Variants in INTS9 observed in about 807,000 individuals in gnomAD.
INTS9 encodes the protein integrator complex subunit 9, also known as protein related to CPSF subunits of 74 kDa.
INTS9 carries 55 observed loss-of-function variants against 79.7 expected under a neutral mutation model. The ratio of observed to expected loss-of-function variants is 0.69; its 90% CI spans 0.56 to 0.86. The LOEUF is 0.86. Ranked by LOEUF, INTS9 falls within the 40% of genes least tolerant of loss-of-function variation. The pLI is 0.00. For missense variants in INTS9, 721 were observed against 831.5 expected, an observed-to-expected ratio of 0.87 and a Z score of 1.64; for synonymous variants, 319 against 325.2, an observed-to-expected ratio of 0.98 and a Z score of 0.20.
intron 8 of INTS9, chr8:28,799,424 C>T (rs1190011676): frequency 1.3e-5 from 2 of 152,228 alleles, no homozygotes; most frequent in African/African-American, 2.4e-5. Context: ...TGCTACAGTA[C>T]GAATGTCGAA....
At position 28,771,018 on chromosome 8, in the gene INTS9, G is replaced by A. The variant is rs765527295; in HGVS notation, c.1626C>T (p.Ala542=). 1.2e-5 allele frequency: 20 copies of A among 1,613,482 alleles called. No homozygotes were observed. Among genetic ancestry groups the A allele is most frequent in the Non-Finnish European group, 1.4e-5 (17 of 1,179,872 alleles). The change falls in exon 15 of 17, where the codon GCC becomes GCT. Residue 542 remains alanine (A), a synonymous_variant. Transcript: ENST00000521022. ...GCTTGTTATCTTTGGTGTGCAGCAC[G>A]GCCGAGACAGTTGCCAAGGAGATGC... ...KPGISLATVS[A]VLHTKDNKHL... is the part of the protein sequence containing the mutation.
rs1448956143 is a variant in INTS9 at position 28,850,201 on chromosome 8, C to T, written c.198+12G>A. 1 of 1,610,422 alleles carries T rather than the reference C, an allele frequency of 6.2e-7. No individual in the cohort carries two copies. The highest frequency in any genetic ancestry group is 1.3e-5 in the African/African-American group (1 of 74,784). On this transcript the variant is annotated intron_variant, in intron 3 of 16. Transcript: ENST00000521022. ...CTGTAGATAGGCTTTAGTTTGTAGT[C>T]TTAGATATTACCTTGTCCAAGAAAG...
At chr8:28,796,754 T>G in intron 8 of INTS9, 99 bp from the exon 9 acceptor site, 1 of 788,138 alleles carries the variant, frequency 1.3e-6, no homozygotes, top group Non-Finnish European at 2.2e-6. Context: ...CTTTCTACGT[T>G]TAACCCATCA....
intron 4 of INTS9, among the ~76,000 whole-genome samples, chr8:28,845,722 G>A (rs186707733): frequency 2.6e-5 from 4 of 152,298 alleles, no homozygotes; most frequent in Admixed American, 2.6e-4. Context: ...AATGACTTTG[G>A]TTAACGGTGA....
At chr8:28,794,067 T>G in intron 9 of INTS9, 80 bp from the exon 10 acceptor site, 2 of 1,166,190 alleles carry the variant, frequency 1.7e-6, no homozygotes, top group South Asian at 4.5e-5. Flanking sequence ...AAAATAAGAT[T>G]TGCACTTGTT....
At chr8:28,803,528 A>G (rs1229309023) in intron 8 of INTS9, among the ~76,000 whole-genome samples, 1 of 152,236 alleles carries the variant, frequency 6.6e-6, no homozygotes, top group Non-Finnish European at 1.5e-5. Context: ...ACTGTTTGAA[A>G]TAAGTTTTTT....
intron 1 of INTS9, among the ~76,000 whole-genome samples, chr8:28,865,419 C>T (rs1808684935): frequency 6.6e-6 from 1 of 151,038 alleles, no homozygotes; most frequent in African/African-American, 2.4e-5. Context: ...CTACAGTGTG[C>T]TGTGATCATG....
At chr8:28,856,926 G>A (rs550965777) in intron 2 of INTS9, among the ~76,000 whole-genome samples, 1 of 152,200 alleles carries the variant, frequency 6.6e-6, no homozygotes, top group African/African-American at 2.4e-5. Context: ...TTATGTCCAC[G>A]TGAACCCAAT....
chr8:28,787,952 CTA>C, intron 10 of INTS9, 63 bp from the exon 11 acceptor site: 1 of 1,087,242 alleles, frequency 9.2e-7, no homozygotes, highest in Non-Finnish European at 1.4e-6. Flanking sequence ...CTGTTGCCAC[CTA>C]GTGGCAGCAG....
chr8:28,833,705 G>GT (rs979734322), intron 6 of INTS9, among the ~76,000 whole-genome samples: 6 of 151,464 alleles, frequency 4.0e-5, no homozygotes, highest in Non-Finnish European at 1.5e-5. Context: ...CAAAAGACTA[G>GT]TTTTTACTCC....
At chr8:28,775,676 T>C in intron 14 of INTS9, 83 bp downstream of exon 14, 4 of 1,417,190 alleles carry the variant, frequency 2.8e-6, no homozygotes, top group Non-Finnish European at 3.9e-6. Flanking sequence ...TTGACATAAA[T>C]CCAAAAGAAG....
At chr8:28,788,256 T>A (rs1419164903) in intron 10 of INTS9, among the ~76,000 whole-genome samples, 1 of 152,212 alleles carries the variant, frequency 6.6e-6, no homozygotes, top group East Asian at 1.9e-4. Context: ...ATCAGGCCAA[T>A]GACAATCAAC....
chr8:28,857,792 A>C (rs1808255474), intron 2 of INTS9, among the ~76,000 whole-genome samples: 1 of 152,218 alleles, frequency 6.6e-6, no homozygotes, highest in South Asian at 2.1e-4. Flanking sequence ...CATGTAGTGG[A>C]GAAGAAAGAC....
intron 4 of INTS9, among the ~76,000 whole-genome samples, chr8:28,844,275 T>C (rs921994060): frequency 4.6e-5 from 7 of 152,216 alleles, no homozygotes; most frequent in Non-Finnish European, 7.4e-5. Flanking sequence ...CTGGGCGCGG[T>C]GGTTCAAACC....
chr8:28,803,986 C>T lies in INTS9; in HGVS notation c.745-7331G>A, dbSNP rs185567029. Among the ~76,000 whole-genome samples the T allele has an allele frequency of 2.6e-3, 403 of 152,254 alleles. 4 individuals are homozygous for T. Among genetic ancestry groups the T allele is most frequent in the African/African-American group, 9.1e-3 (377 of 41,544 alleles). Reference sequence around the variant, plus strand: ...TTGCCCAGGCTGGAGCACACTGGTGCAGTCACAGCTCACTGCAGCCTCAAC... The same window carrying T: ...TTGCCCAGGCTGGAGCACACTGGTGTAGTCACAGCTCACTGCAGCCTCAAC... On this transcript the variant is annotated intron_variant, in intron 8 of 16. Transcript: ENST00000521022.
chr8:28,773,878 G>A (rs1022044315), intron 14 of INTS9, among the ~76,000 whole-genome samples: 16 of 151,908 alleles, frequency 1.1e-4, no homozygotes, highest in African/African-American at 2.9e-4. Context: ...GTAGGAGTGC[G>A]GTGGCATGAT....
At chr8:28,788,769 A>G (rs1740091519) in intron 10 of INTS9, among the ~76,000 whole-genome samples, 2 of 152,222 alleles carry the variant, frequency 1.3e-5, no homozygotes, top group African/African-American at 4.8e-5. Flanking sequence ...GAGAAGAACA[A>G]AGGATCACAG....
In INTS9 at chr8:28,768,228, G is replaced by A; in HGVS notation, c.1895C>T (p.Ser632Leu). The change falls in exon 17 of 17, where the codon TCG (serine) becomes TTG (leucine). Residue 632 changes from serine to leucine, a missense_variant. Coordinates refer to ENST00000521022, the MANE Select transcript of INTS9 (RefSeq NM_018250.4). ...GTCATTGTCGCAGATGATATGGGTC[G>A]AGTCTTCTTCAATCTGGATGAGCGT... ...AETLIQIEED[S>L]THIICDNDEM... 1.9e-6 allele frequency: 3 copies of A among 1,614,132 alleles called. No homozygotes were observed. Among genetic ancestry groups the A allele is most frequent in the Non-Finnish European group, 8.5e-7 (1 of 1,180,028 alleles).
At chr8:28,859,823 T>C (rs904660356) in intron 1 of INTS9, among the ~76,000 whole-genome samples, 1 of 152,150 alleles carries the variant, frequency 6.6e-6, no homozygotes. Flanking sequence ...GCCACAGTTA[T>C]TCAAAATAGA....
Sources: gnomAD v4.1 joint callset for allele counts (sites outside exome capture counted in the v4.1 genomes callset) on GRCh38, gnomAD v4.1.1 for gene constraint, MANE v1.5 for transcripts, NCBI Gene and HGNC (gene_info 2026-07-23, HGNC 2026-07-21) for gene names.